MTG2: variants seen among roughly 807,000 people sequenced by gnomAD.
The protein encoded by MTG2 is mitochondrial ribosome-associated GTPase 2.
Under a neutral mutation model 28.6 loss-of-function variants are expected in MTG2, and 23 were observed. That is an observed-to-expected ratio of 0.80 (90% CI 0.58 to 1.14). MTG2 has a LOEUF of 1.14. MTG2 is among the 50% of genes most tolerant of loss of function. The probability of loss-of-function intolerance (pLI) is 0.00; values close to 1 mark genes in which losing one functional copy is unlikely to be tolerated. For missense variants in MTG2, 539 were observed against 552.0 expected, an observed-to-expected ratio of 0.98 and a Z score of 0.24; for synonymous variants, 260 against 251.8, an observed-to-expected ratio of 1.03 and a Z score of -0.31.
rs142043457 is a variant in MTG2 at position 62,198,640 on chromosome 20, G to C, written c.475G>C (p.Val159Leu). The C allele has an allele frequency of 6.2e-7, 1 of 1,613,630 alleles. No homozygotes were observed. The highest frequency in any genetic ancestry group is 8.5e-7 in the Non-Finnish European group (1 of 1,179,852). The change falls in exon 5 of 7, where the codon GTG becomes CTG. Residue 159 changes from valine to leucine, a missense_variant. By Grantham distance (32) the Val-to-Leu change is conservative. Transcript: ENST00000370823. The stretch of plus-strand genomic sequence containing the variant: ...AGTGCCTGCTGTTCCCCAGGTCCCC[G>C]TGGGCACGCTGGTGAAGGAGGGAGG... The part of the protein sequence containing the change: ...SGAVLYIRVP[V>L]GTLVKEGGRV...
chr20:62,192,756 A>G (rs1407206744), intron 1 of MTG2, among the ~76,000 whole-genome samples: 1 of 152,138 alleles, frequency 6.6e-6, no homozygotes. Context: ...CCTGTCACTC[A>G]GGAAATTACC....
chr20:62,186,538 T>G (rs1336226963), intron 1 of MTG2, among the ~76,000 whole-genome samples: 5 of 147,848 alleles, frequency 3.4e-5, no homozygotes, highest in Non-Finnish European at 6.0e-5. Context: ...GTTTTTTTTT[T>G]TTTTTTTTGA....
rs770745570 is a variant in MTG2, at chr20:62,193,525, GCCACAGCGGGCTTCTC to G, written c.109_124del (p.Gln37GlyfsTer27). 1.9e-6 allele frequency: 3 copies of G among 1,614,154 alleles called. No homozygotes were observed. In the South Asian group the frequency reaches 3.3e-5, roughly 18 times the overall value. ...CTGGCCTGAAGCCCAGCCGGCTACT[GCCACAGCGGGCTTCTC>G]CCAGGCTGCTCTCGGTCGGCCGTGC... On this transcript the variant is annotated frameshift_variant, in exon 2 of 7. Coordinates refer to ENST00000370823, the MANE Select transcript of MTG2 (RefSeq NM_015666.4). LOFTEE classifies it high-confidence loss of function.
At chr20:62,188,534 G>A (rs1416996746) in intron 1 of MTG2, among the ~76,000 whole-genome samples, 1 of 54,740 alleles carries the variant, frequency 1.8e-5, no homozygotes, top group Non-Finnish European at 4.1e-5. Flanking sequence ...TTTTTTTTTG[G>A]TAGACACAAG....
intron 1 of MTG2, among the ~76,000 whole-genome samples, chr20:62,189,813 C>T (rs1173423674): frequency 6.6e-6 from 1 of 151,896 alleles, no homozygotes; most frequent in Non-Finnish European, 1.5e-5. Flanking sequence ...TACAGGCACA[C>T]GCCACCATGC....
In MTG2 at chr20:62,201,224, C is replaced by A; in HGVS notation, c.*147C>A. ...GGGCCCCGCCTGCTGGCCTGAGATG[C>A]CCTCATGTTGGGAAGCATTCCGTGC... On this transcript the variant is annotated 3_prime_UTR_variant, in exon 7 of 7. Transcript: ENST00000370823. The A allele has an allele frequency of 1.0e-6, 1 of 979,584 alleles. No individual in the cohort carries two copies. Among genetic ancestry groups the A allele is most frequent in the Non-Finnish European group, 1.5e-6 (1 of 685,880 alleles). 60.7% of individuals were successfully genotyped at this position (979,584 alleles called of 1,614,324 possible).
At chr20:62,185,440 A>T (rs535956741) in intron 1 of MTG2, among the ~76,000 whole-genome samples, 2,388 of 136,942 alleles carry the variant, frequency 0.017, 52 homozygotes, top group East Asian at 0.063. Flanking sequence ...AATAAAAAAT[A>T]AAATATATAC....
chr20:62,193,710 C>T, intron 2 of MTG2, 86 bp downstream of exon 2: 1 of 1,263,544 alleles, frequency 7.9e-7, no homozygotes. Flanking sequence ...TGGGTCTCAT[C>T]TCTGTTGATG....
intron 1 of MTG2, among the ~76,000 whole-genome samples, chr20:62,184,728 G>A (rs543673224): frequency 1.3e-5 from 2 of 152,308 alleles, no homozygotes; most frequent in South Asian, 4.1e-4. Context: ...AGGGCAGGGT[G>A]GAAAGCTGGT....
Position 62,195,825 on chromosome 20 carries a change from G to A in MTG2, c.228G>A (p.Arg76=). The A allele has an allele frequency of 6.2e-7, 1 of 1,614,226 alleles. No homozygotes were observed. Among genetic ancestry groups the A allele is most frequent in the Non-Finnish European group, 8.5e-7 (1 of 1,180,048 alleles). Residue 76 remains arginine, a synonymous_variant, in exon 3 of 7, where the codon CGG becomes CGA. Coordinates refer to ENST00000370823, the MANE Select transcript of MTG2 (RefSeq NM_015666.4). ...KKLKRYFVDY[R]RVLVCGGNGG... ...AGAAAAGGTACTTTGTGGACTATCG[G>A]AGAGTGCTTGTCTGTGGAGGAAACG...
intron 3 of MTG2, 165 bp from the exon 4 acceptor site, chr20:62,197,687 A>G (rs2058084795): frequency 1.7e-6 from 1 of 596,486 alleles, no homozygotes. Flanking sequence ...GAAAATAAGG[A>G]TTTCATTTTT....
At position 62,201,002 on chromosome 20, in the gene MTG2, G is replaced by A. The variant is rs1270703440; in HGVS notation, c.1146G>A (p.Leu382=). ...CCGGCGAGAACCTGGAGCAGCTGCTGTTGCACCTGAAGGTGCTGTATGACG... is the reference window on the plus strand; with the variant it reads ...CCGGCGAGAACCTGGAGCAGCTGCTATTGCACCTGAAGGTGCTGTATGACG... The part of the protein sequence containing the change: ...ALTGENLEQL[L]LHLKVLYDAY... Residue 382 remains leucine, a synonymous_variant, in exon 7 of 7, where the codon CTG becomes CTA. Coordinates refer to ENST00000370823, the MANE Select transcript of MTG2 (RefSeq NM_015666.4). 1.2e-6 allele frequency: 2 copies of A among 1,613,430 alleles called. No individual in the cohort carries two copies. Among genetic ancestry groups the A allele is most frequent in the East Asian group, 2.2e-5 (1 of 44,892 alleles).
At chr20:62,194,968 G>A (rs913232640) in intron 2 of MTG2, among the ~76,000 whole-genome samples, 13 of 152,102 alleles carry the variant, frequency 8.5e-5, no homozygotes, top group African/African-American at 2.2e-4. Context: ...AGGCCGAGGC[G>A]GGTGGATCAC....
At chr20:62,196,930 G>A (rs953314395) in intron 3 of MTG2, among the ~76,000 whole-genome samples, 6 of 152,154 alleles carry the variant, frequency 3.9e-5, no homozygotes, top group African/African-American at 1.4e-4. Flanking sequence ...TACTAGGGAG[G>A]CTGAGGCAGG....
At chr20:62,192,787 TCAGGAGC>T (rs1249473115) in intron 1 of MTG2, among the ~76,000 whole-genome samples, 1 of 152,174 alleles carries the variant, frequency 6.6e-6, no homozygotes, top group Non-Finnish European at 1.5e-5. Context: ...GAGCTCTGTG[TCAGGAGC>T]CAGGAGCAGG....
chr20:62,202,886 T>TG lies in MTG2; in HGVS notation c.*1813dup, dbSNP rs1293612482. The TG allele has an allele frequency of 6.6e-6, 1 of 152,120 alleles. No homozygotes were observed. The highest frequency in any genetic ancestry group is 1.9e-4 in the East Asian group (1 of 5,198). The allele number at this position is 152,120 out of a possible 1,614,324, so 9.4% of individuals were successfully genotyped here. ...GGTCCGGGGCCGCGTCTCTGCACGC[T>TG]GGGGTGGGGCGCGCTTTGCACAGCA... On this transcript the variant is annotated 3_prime_UTR_variant, in exon 7 of 7. Transcript: ENST00000370823.
chr20:62,201,205 C>A lies in MTG2; in HGVS notation c.*128C>A. 1 of 1,210,266 alleles carries A rather than the reference C, an allele frequency of 8.3e-7. No homozygotes were observed. Among genetic ancestry groups the A allele is most frequent in the Non-Finnish European group, 1.1e-6 (1 of 894,624 alleles). 75.0% of individuals were successfully genotyped at this position (1,210,266 alleles called of 1,614,324 possible). A position where few individuals can be genotyped will look rare whatever the true frequency, so the allele number is the denominator to read the frequency against. On this transcript the variant is annotated 3_prime_UTR_variant, in exon 7 of 7. Coordinates refer to ENST00000370823, the MANE Select transcript of MTG2 (RefSeq NM_015666.4). ...GTGGTGCTTCTGGGTCTCTGGGCCC[C>A]GCCTGCTGGCCTGAGATGCCCTCAT...
chr20:62,200,523 G>A, intron 6 of MTG2, among the ~76,000 whole-genome samples, 160 bp from the exon 7 acceptor site: 1 of 139,198 alleles, frequency 7.2e-6, no homozygotes, highest in Non-Finnish European at 1.6e-5. Context: ...AAATCAAATG[G>A]CTTCAGTTCA....
rs1249782544 is a variant in MTG2, at chr20:62,185,736, A to C, written c.-6+2679A>C. On this transcript the variant is annotated intron_variant, in intron 1 of 6. Coordinates refer to ENST00000370823, the MANE Select transcript of MTG2 (RefSeq NM_015666.4). ...ATGTGGCTGTGTGCACTTAGATGTT[A>C]CCTCAGGGACTGAGTTTTTACATTT... is the stretch of plus-strand genomic sequence containing the variant. 2.6e-5 allele frequency among the ~76,000 whole-genome samples: 4 copies of C among 152,294 alleles called. No individual in the cohort carries two copies. The South Asian group carries it at 8.3e-4, about 32-fold the overall frequency.
Sources: gnomAD v4.1 joint callset for allele counts (sites outside exome capture counted in the v4.1 genomes callset) on GRCh38, gnomAD v4.1.1 for gene constraint, MANE v1.5 for transcripts, NCBI Gene and HGNC (gene_info 2026-07-23, HGNC 2026-07-21) for gene names.